Variants in IGSF5 observed in about 807,000 individuals in gnomAD.
IGSF5 encodes the protein immunoglobulin superfamily member 5.
A neutral mutation model predicts 39.4 loss-of-function variants in IGSF5; 41 were observed. The observed-to-expected ratio is 1.04, with a 90% CI of 0.81 to 1.35. IGSF5 has a LOEUF of 1.35. Ranked by LOEUF, IGSF5 falls within the 40% of genes most tolerant of loss-of-function variation. The pLI is 0.00. For synonymous variants in IGSF5, 183 were observed against 175.3 expected (o/e 1.04, Z -0.34); for missense variants, 487 against 494.6 (o/e 0.98, Z 0.15).
At chr21:39,716,551 G>T in the IGSF5 span, among the ~76,000 whole-genome samples, 3 of 152,020 alleles carry the variant, frequency 2.0e-5, no homozygotes, top group African/African-American at 7.2e-5. Context: ...CTTTGTGTTC[G>T]TAAGTTCTTA....
At chr21:39,755,580 C>G (rs1345274972) in intron 2 of IGSF5, among the ~76,000 whole-genome samples, 1 of 110,422 alleles carries the variant, frequency 9.1e-6, no homozygotes, top group Non-Finnish European at 1.8e-5. Context: ...GAGCGAGACT[C>G]CATCTCAAAA....
At chr21:39,767,175 T>A (rs543356748) in intron 3 of IGSF5, among the ~76,000 whole-genome samples, 2 of 152,298 alleles carry the variant, frequency 1.3e-5, no homozygotes, top group East Asian at 3.9e-4. Context: ...GAAAAAAGAA[T>A]CAAAGATATA....
intron 2 of IGSF5, among the ~76,000 whole-genome samples, chr21:39,751,644 C>T (rs1405601744): frequency 1.3e-5 from 2 of 152,062 alleles, no homozygotes; most frequent in Non-Finnish European, 2.9e-5. Flanking sequence ...GGTCAGGATT[C>T]AATTAATAGA....
At chr21:39,793,706 G>A in intron 8 of IGSF5, 93 bp downstream of exon 8, 1 of 999,860 alleles carries the variant, frequency 1.0e-6, no homozygotes, top group Non-Finnish European at 1.6e-6. Flanking sequence ...TGCGCGTTGT[G>A]TATTCATGAT....
At chr21:39,745,913 C>CG (rs1468278766) in intron 1 of IGSF5, among the ~76,000 whole-genome samples, 4 of 151,344 alleles carry the variant, frequency 2.6e-5, no homozygotes, top group East Asian at 1.9e-4. Context: ...CAAAATGTTA[C>CG]GGGGGGTGGG....
rs200802075 is a variant in IGSF5 at position 39,792,079 on chromosome 21, C to T, written c.1028C>T (p.Ser343Leu). The change falls in exon 7 of 9, where the codon TCA becomes TTA. Residue 343 changes from serine (S) to leucine (L), a missense_variant. Ser to Leu is a moderately radical substitution (Grantham distance 145). Transcript: ENST00000380588. The stretch of plus-strand genomic sequence containing the variant: ...GGAAATGAAAACTCCGGCTACAATT[C>T]AGATGAACAAAAGACCACAGGTGAG... ...ESGNENSGYN[S>L]DEQKTTDTAS... The T allele has an allele frequency of 6.5e-5, 105 of 1,609,660 alleles. 1 individual carries two copies. The highest frequency in any genetic ancestry group is 3.3e-4 in the Middle Eastern group (2 of 6,054).
chr21:39,744,491 A>G (rs951688137), upstream of IGSF5, among the ~76,000 whole-genome samples: 1 of 152,196 alleles, frequency 6.6e-6, no homozygotes, highest in Non-Finnish European at 1.5e-5. Flanking sequence ...CTTCCACAAG[A>G]GTCTCCGTAT....
In IGSF5 at chr21:39,779,022, A is replaced by G; in HGVS notation, c.719-68A>G. On this transcript the variant is annotated intron_variant, in intron 4 of 8. Transcript: ENST00000380588. ...ATTACTAGAAAACATAATGCAACTT[A>G]TAATGGGGCAGAATCTGTGATTCTA... 1.9e-6 allele frequency: 3 copies of G among 1,559,358 alleles called. No individual in the cohort carries two copies. The South Asian group carries it at 3.6e-5, about 19-fold the overall frequency.
At chr21:39,759,587 C>T (rs1279949475) in intron 2 of IGSF5, among the ~76,000 whole-genome samples, 1 of 152,134 alleles carries the variant, frequency 6.6e-6, no homozygotes, top group East Asian at 1.9e-4. Context: ...CTGAGGCAGG[C>T]TGGGTGTGGT....
At chr21:39,712,499 G>T in the IGSF5 span, among the ~76,000 whole-genome samples, 2 of 152,228 alleles carry the variant, frequency 1.3e-5, no homozygotes, top group East Asian at 3.9e-4. Flanking sequence ...AGACTGGCTG[G>T]TTGGTCTCTG....
At chr21:39,783,340 G>T (rs896837056) in intron 5 of IGSF5, among the ~76,000 whole-genome samples, 1 of 152,084 alleles carries the variant, frequency 6.6e-6, no homozygotes, top group Admixed American at 6.6e-5. Flanking sequence ...AATAGAGTAT[G>T]AGAGTTTCCA....
chr21:39,732,421 G>A, the IGSF5 span, among the ~76,000 whole-genome samples: 28,037 of 152,188 alleles, frequency 0.18, 3,248 homozygotes, highest in South Asian at 0.38. Context: ...TCTTGCAACC[G>A]TAAGTACACA....
the IGSF5 span, among the ~76,000 whole-genome samples, chr21:39,735,550 T>C: frequency 1.3e-5 from 2 of 152,138 alleles, no homozygotes; most frequent in East Asian, 1.9e-4. Context: ...TATACCTAAA[T>C]TTTTGAAATT....
chr21:39,767,738 G>A (rs1056309143), intron 3 of IGSF5, among the ~76,000 whole-genome samples: 1 of 152,186 alleles, frequency 6.6e-6, no homozygotes, highest in Non-Finnish European at 1.5e-5. Context: ...CAAATAATAG[G>A]GATGCCAGCC....
chr21:39,777,444 G>C lies in IGSF5; in HGVS notation c.719-1646G>C, dbSNP rs1265561731. ...CAATGATATTCCAGGTGACGCTTGG[G>C]ATTCTGCTGTCTGTGGAGCAAGGGG... On this transcript the variant is annotated intron_variant, in intron 4 of 8. Transcript: ENST00000380588. Among the ~76,000 whole-genome samples, 3 of 152,210 alleles carry C rather than the reference G, an allele frequency of 2.0e-5. No homozygotes were observed. In the East Asian group the frequency reaches 5.8e-4, roughly 29 times the overall value.
At chr21:39,759,866 C>CAA (rs1307376560) in intron 2 of IGSF5, among the ~76,000 whole-genome samples, 66 of 61,476 alleles carry the variant, frequency 1.1e-3, no homozygotes, top group African/African-American at 2.9e-3. Context: ...GACTCCGTCT[C>CAA]AAAAAAAAAA....
At chr21:39,750,237 CT>C (rs1293979741) in intron 2 of IGSF5, among the ~76,000 whole-genome samples, 1 of 152,212 alleles carries the variant, frequency 6.6e-6, no homozygotes, top group African/African-American at 2.4e-5. Flanking sequence ...GCCCCATTTA[CT>C]TGCTTCTTGG....
chr21:39,735,371 G>A, the IGSF5 span, among the ~76,000 whole-genome samples: 1 of 152,012 alleles, frequency 6.6e-6, no homozygotes, highest in South Asian at 2.1e-4. Context: ...GCTTAACTAT[G>A]GGTGCTACTG....
chr21:39,732,430 C>T, the IGSF5 span, among the ~76,000 whole-genome samples: 8 of 152,170 alleles, frequency 5.3e-5, no homozygotes, highest in Non-Finnish European at 1.0e-4. Flanking sequence ...CGTAAGTACA[C>T]ATTGTTCTAA....
Sources: gnomAD v4.1 joint callset for allele counts (sites outside exome capture counted in the v4.1 genomes callset) on GRCh38, gnomAD v4.1.1 for gene constraint, MANE v1.5 for transcripts, NCBI Gene and HGNC (gene_info 2026-07-23, HGNC 2026-07-21) for gene names.